The following ELFN2 variants were observed in gnomAD, a reference collection of about 807,000 sequenced individuals.
The protein encoded by ELFN2 is extracellular leucine rich repeat and fibronectin type III domain containing 2.
In ELFN2, 17 loss-of-function variants were observed where a neutral mutation model predicts 45.5. That is an observed-to-expected ratio of 0.37 (90% CI 0.26 to 0.56). The LOEUF (loss-of-function observed/expected upper bound fraction) is 0.56. Ranked by LOEUF, ELFN2 falls within the 20% of genes least tolerant of loss-of-function variation. ELFN2 has a pLI of 0.77. For missense variants in ELFN2, 922 were observed against 1,183.2 expected (o/e 0.78, Z 3.24); for synonymous variants, 550 against 551.5 (o/e 1.00, Z 0.04).
chr22:37,373,517 G>T lies in ELFN2; in HGVS notation c.2018C>A (p.Pro673Gln). 6.4e-7 allele frequency: 1 copy of T among 1,564,434 alleles called. No individual in the cohort carries two copies. Among genetic ancestry groups the T allele is most frequent in the East Asian group, 2.3e-5 (1 of 42,632 alleles). ...YIEKGSPLNS[P>Q]LDRLPLVPAG... ...CGGCACCAGCGGGAGCCGGTCCAGC[G>T]GGCTGTTGAGGGGGCTGCCCTTCTC... Residue 673 changes from proline to glutamine, a missense_variant, in exon 3 of 3, where the codon CCG becomes CAG. This residue lies in a region of ELFN2 where 564 missense variants were observed against 642.8 expected (regional missense o/e 0.88). Coordinates refer to ENST00000402918, the MANE Select transcript of ELFN2 (RefSeq NM_052906.5).
At chr22:37,400,584 G>A (rs1027112369) in intron 2 of ELFN2, among the ~76,000 whole-genome samples, 3 of 152,152 alleles carry the variant, frequency 2.0e-5, no homozygotes, top group African/African-American at 7.2e-5. Context: ...GGCCTGCAGG[G>A]GTGCCAGGAC....
chr22:37,373,442 T>C lies in ELFN2; in HGVS notation c.2093A>G (p.Glu698Gly). ...GCTGCAGTGGTAGGCCGGCTTCACC[T>C]CCAGGTGGTGGATGCCCCCGCCCCC... ...SGGGGGIHHL[E>G]VKPAYHCSEH... Residue 698 changes from glutamate (E) to glycine (G), a missense_variant, in exon 3 of 3, where the codon GAG becomes GGG. By Grantham distance (98) the Glu-to-Gly change is moderately conservative. Around this residue, in one of 2 missense-constraint regions of ELFN2, gnomAD observed 564 missense variants for 642.8 expected, o/e 0.88. Coordinates refer to ENST00000402918, the MANE Select transcript of ELFN2 (RefSeq NM_052906.5). The C allele has an allele frequency of 6.5e-7, 1 of 1,545,204 alleles. No individual in the cohort carries two copies. Among genetic ancestry groups the C allele is most frequent in the Non-Finnish European group, 8.7e-7 (1 of 1,147,592 alleles).
intron 2 of ELFN2, among the ~76,000 whole-genome samples, chr22:37,409,798 G>A (rs532547056): frequency 5.9e-5 from 9 of 152,350 alleles, no homozygotes; most frequent in Middle Eastern, 3.4e-3. Context: ...TGCTCAGGGT[G>A]CAATCAGGGG....
chr22:37,382,564 A>ATTTTTT (rs1569135120), intron 2 of ELFN2, among the ~76,000 whole-genome samples: 1 of 128,280 alleles, frequency 7.8e-6, no homozygotes, highest in Admixed American at 8.0e-5. Context: ...TTTTTTTTTA[A>ATTTTTT]AAACAGACTC....
intron 1 of ELFN2, chr22:37,354,044 T>A (rs974772373): frequency 6.6e-6 from 1 of 152,198 alleles, no homozygotes; most frequent in African/African-American, 2.4e-5. Flanking sequence ...CATAAATCCA[T>A]TGTGGTGTAT....
chr22:37,397,870 G>A (rs1404234885), intron 2 of ELFN2, among the ~76,000 whole-genome samples: 1 of 152,280 alleles, frequency 6.6e-6, no homozygotes, highest in East Asian at 1.9e-4. Context: ...CAAGTCTGGG[G>A]TCCTCATAAC....
intron 2 of ELFN2, among the ~76,000 whole-genome samples, chr22:37,412,479 C>A (rs1190993823): frequency 6.6e-6 from 1 of 152,026 alleles, no homozygotes; most frequent in Non-Finnish European, 1.5e-5. Context: ...TCCACACAGC[C>A]CCCTACCTGA....
chr22:37,375,674 G>A lies in ELFN2; in HGVS notation c.-140C>T. The A allele has an allele frequency of 1.1e-6, 1 of 947,626 alleles. No individual in the cohort carries two copies. The highest frequency in any genetic ancestry group is 2.7e-5 in the East Asian group (1 of 37,392). 58.7% of individuals were successfully genotyped at this position (947,626 alleles called of 1,614,324 possible). A position where few individuals can be genotyped will look rare whatever the true frequency, so the allele number is the denominator to read the frequency against. Reference sequence around the variant, plus strand: ...AGCACGGGGGCCCCAGGCAAGGTGGGTACAGCTAGTGCCAACTGCTGGGGA... The same window carrying A: ...AGCACGGGGGCCCCAGGCAAGGTGGATACAGCTAGTGCCAACTGCTGGGGA... On this transcript the variant is annotated 5_prime_UTR_variant, in exon 3 of 3. Transcript: ENST00000402918.
intron 2 of ELFN2, chr22:37,341,103 T>G (rs41283233): frequency 0.047 from 7,209 of 152,224 alleles, 202 homozygotes; most frequent in Middle Eastern, 0.14. Context: ...AGCCAGACCA[T>G]GAGGGGCACC....
In ELFN2 at chr22:37,424,680, CGG is replaced by C. The variant is rs133725; in HGVS notation, c.-614+2616_-614+2617del. ...GTCTCCCTGTAGCCACTGAGGGCGG[CGG>C]GGGGGGGGATGGAATTCACATTAAA... On this transcript the variant is annotated intron_variant, in intron 1 of 2. Coordinates refer to ENST00000402918, the MANE Select transcript of ELFN2 (RefSeq NM_052906.5). Among the ~76,000 whole-genome samples the C allele has an allele frequency of 1.4e-3, 199 of 146,328 alleles. 1 individual carries two copies. The highest frequency in any genetic ancestry group is 4.6e-3 in the African/African-American group (183 of 39,442).
chr22:37,421,914 C>A (rs954063795), intron 1 of ELFN2, among the ~76,000 whole-genome samples: 1 of 152,122 alleles, frequency 6.6e-6, no homozygotes, highest in African/African-American at 2.4e-5. Flanking sequence ...TCTGTCTCTC[C>A]AAGATTCAGG....
In ELFN2 at chr22:37,395,850, G is replaced by T. The variant is rs548365397; in HGVS notation, c.-462-19854C>A. On this transcript the variant is annotated intron_variant, in intron 2 of 2. Coordinates refer to ENST00000402918, the MANE Select transcript of ELFN2 (RefSeq NM_052906.5). The stretch of plus-strand genomic sequence containing the variant: ...GGGTGGGAGGGGCAGGGAGCCACCT[G>T]TTCAGGGCTCAGGGGACAAGCAGGG... 3.7e-4 allele frequency among the ~76,000 whole-genome samples: 56 copies of T among 152,302 alleles called. No homozygotes were observed. In the South Asian group the frequency reaches 4.3e-3, roughly 12 times the overall value.
chr22:37,374,274 T>G lies in ELFN2; in HGVS notation c.1261A>C (p.Lys421Gln). 6.2e-7 allele frequency: 1 copy of G among 1,614,018 alleles called. No individual in the cohort carries two copies. The change falls in exon 3 of 3, where the codon AAG becomes CAG. Residue 421 changes from lysine to glutamine, a missense_variant. By Grantham distance (53) the Lys-to-Gln change is moderately conservative. Around this residue, in one of 2 missense-constraint regions of ELFN2, gnomAD observed 564 missense variants for 642.8 expected, o/e 0.88. Coordinates refer to ENST00000402918, the MANE Select transcript of ELFN2 (RefSeq NM_052906.5). ...VLGAVYYCLR[K>Q]RRMQEEKQKS... ...TGCTTCTCCTCCTGCATGCGCCGCT[T>G]GCGCAGGCAGTAGTACACGGCTCCC...
At chr22:37,398,664 G>C (rs551421074) in intron 2 of ELFN2, among the ~76,000 whole-genome samples, 1 of 152,124 alleles carries the variant, frequency 6.6e-6, no homozygotes, top group Non-Finnish European at 1.5e-5. Flanking sequence ...GGCCCCTCAT[G>C]ATCTGGCTTG....
In ELFN2 at chr22:37,375,842, T is replaced by G; in HGVS notation, c.-308A>C. 2.6e-6 allele frequency: 1 copy of G among 385,208 alleles called. No homozygotes were observed. Among genetic ancestry groups the G allele is most frequent in the Non-Finnish European group, 4.8e-6 (1 of 210,246 alleles). The allele number at this position is 385,208 out of a possible 1,614,324, so 23.9% of individuals were successfully genotyped here. ...TCAGGGCTTGACTTCCTCTCCCTCC[T>G]CCTCCTCCTCCTCCTCCTCCTCCTC... On this transcript the variant is annotated 5_prime_UTR_variant, in exon 3 of 3. Coordinates refer to ENST00000402918, the MANE Select transcript of ELFN2 (RefSeq NM_052906.5).
chr22:37,412,033 C>T (rs896040788), intron 2 of ELFN2, among the ~76,000 whole-genome samples: 5 of 151,942 alleles, frequency 3.3e-5, no homozygotes, highest in Admixed American at 1.3e-4. Context: ...ATCTCTCCTC[C>T]GACATTCAGA....
chr22:37,376,850 C>T (rs778960708), intron 2 of ELFN2, among the ~76,000 whole-genome samples: 5 of 152,192 alleles, frequency 3.3e-5, no homozygotes, highest in African/African-American at 9.7e-5. Flanking sequence ...TGGAGTAGCA[C>T]GGCTGAGGCC....
intron 1 of ELFN2, among the ~76,000 whole-genome samples, chr22:37,419,819 T>C (rs1932795275): frequency 6.6e-6 from 1 of 151,652 alleles, no homozygotes; most frequent in Non-Finnish European, 1.5e-5. Flanking sequence ...CCCCATGCCG[T>C]CCACACCCAC....
At chr22:37,354,080 C>T (rs1005937447) in intron 1 of ELFN2, 2 of 152,186 alleles carry the variant, frequency 1.3e-5, no homozygotes, top group Admixed American at 6.5e-5. Context: ...ATGATCCAAC[C>T]GCTGCTCCGA....
Sources: gnomAD v4.1 joint callset for allele counts (sites outside exome capture counted in the v4.1 genomes callset) on GRCh38, gnomAD v4.1.1 for gene constraint, gnomAD v4.1.1 regional missense constraint, MANE v1.5 for transcripts, NCBI Gene and HGNC (gene_info 2026-07-23, HGNC 2026-07-21) for gene names.